The following EEFSEC variants were observed in gnomAD, a reference collection of about 807,000 sequenced individuals.
The protein encoded by EEFSEC is eukaryotic elongation factor, selenocysteine-tRNA specific.
A neutral mutation model predicts 42.1 loss-of-function variants in EEFSEC; 43 were observed. The ratio of observed to expected loss-of-function variants is 1.02; its 90% confidence interval spans 0.80 to 1.32. EEFSEC has a LOEUF of 1.32. Ranked by LOEUF, EEFSEC falls within the 40% of genes most tolerant of loss-of-function variation. The pLI is 0.00. For synonymous variants in EEFSEC, 354 were observed against 339.1 expected, an observed-to-expected ratio of 1.04 and a Z score of -0.48; for missense variants, 745 against 803.6, an observed-to-expected ratio of 0.93 and a Z score of 0.88.
chr3:128,352,203 AC>A (rs1360445024), intron 5 of EEFSEC, among the ~76,000 whole-genome samples: 1 of 152,050 alleles, frequency 6.6e-6, no homozygotes, highest in Non-Finnish European at 1.5e-5. Context: ...ACAGATCATG[AC>A]CCCTGGTCTT....
In EEFSEC at chr3:128,264,801, C is replaced by T; in HGVS notation, c.786+20C>T. On this transcript the variant is annotated intron_variant, in intron 4 of 6. Transcript: ENST00000254730. ...CTCAAGGTCAGTCTTACCTTGTCTTCCCTTCTGGCCTCCTCGCTGGCAGCA... is the reference window on the plus strand; with the variant it reads ...CTCAAGGTCAGTCTTACCTTGTCTTTCCTTCTGGCCTCCTCGCTGGCAGCA... The T allele has an allele frequency of 6.2e-7, 1 of 1,604,810 alleles. No individual in the cohort carries two copies. The highest frequency in any genetic ancestry group is 8.5e-7 in the Non-Finnish European group (1 of 1,173,170).
At chr3:128,400,101 C>T (rs911973908) in intron 6 of EEFSEC, among the ~76,000 whole-genome samples, 7 of 152,262 alleles carry the variant, frequency 4.6e-5, no homozygotes, top group Non-Finnish European at 7.3e-5. Flanking sequence ...CTCCCCACCC[C>T]TGGCCTTGGG....
intron 4 of EEFSEC, among the ~76,000 whole-genome samples, chr3:128,306,099 T>A (rs775872412): frequency 6.6e-6 from 1 of 152,238 alleles, no homozygotes; most frequent in Non-Finnish European, 1.5e-5. Flanking sequence ...TTTAAAGTTT[T>A]TATTGCACTG....
At chr3:128,203,011 A>ACCTCAG (rs2065658222) in intron 1 of EEFSEC, among the ~76,000 whole-genome samples, 3 of 152,070 alleles carry the variant, frequency 2.0e-5, no homozygotes, top group African/African-American at 7.2e-5. Context: ...TCTAAACATT[A>ACCTCAG]CCTCAGCCTC....
At chr3:128,206,847 C>CA (rs1275034116) in intron 1 of EEFSEC, among the ~76,000 whole-genome samples, 1 of 152,150 alleles carries the variant, frequency 6.6e-6, no homozygotes, top group Non-Finnish European at 1.5e-5. Flanking sequence ...GCCGACTTCT[C>CA]ACGGCTGGCC....
At chr3:128,382,374 G>A (rs936619629) in intron 6 of EEFSEC, among the ~76,000 whole-genome samples, 3 of 152,236 alleles carry the variant, frequency 2.0e-5, no homozygotes, top group Admixed American at 6.5e-5. Context: ...GGCTGTGTGC[G>A]CCCAGCGGAC....
At chr3:128,212,250 C>A (rs781519611) in intron 1 of EEFSEC, among the ~76,000 whole-genome samples, 1 of 152,164 alleles carries the variant, frequency 6.6e-6, no homozygotes, top group Non-Finnish European at 1.5e-5. Context: ...GCTGTGGGAG[C>A]CCCTGGGAGG....
rs1480828215 is a variant in EEFSEC at position 128,308,557 on chromosome 3, C to A, written c.787-32676C>A. ...ATTGAGTGAGAACCAGTAAGCCAGT[C>A]CCCCAAAACCTAAGCTTTACCCCTC... On this transcript the variant is annotated intron_variant, in intron 4 of 6. Transcript: ENST00000254730. Among the ~76,000 whole-genome samples, 16 of 152,194 alleles carry A rather than the reference C, an allele frequency of 1.1e-4. 1 individual carries two copies. Among genetic ancestry groups the A allele is most frequent in the Admixed American group, 1.0e-3 (16 of 15,288 alleles).
intron 5 of EEFSEC, among the ~76,000 whole-genome samples, chr3:128,342,125 C>A (rs192796203): frequency 5.8e-4 from 88 of 152,338 alleles, no homozygotes; most frequent in African/African-American, 2.0e-3. Context: ...CCCACTGTAC[C>A]CAATCCCACC....
At chr3:128,383,576 G>A (rs558330751) in intron 6 of EEFSEC, among the ~76,000 whole-genome samples, 3 of 152,182 alleles carry the variant, frequency 2.0e-5, no homozygotes, top group East Asian at 1.9e-4. Flanking sequence ...TGGTGGTCTG[G>A]GTATAGAGCC....
the EEFSEC span, among the ~76,000 whole-genome samples, chr3:128,419,366 T>G: frequency 9.5e-4 from 145 of 152,358 alleles, 1 homozygote; most frequent in African/African-American, 3.4e-3. Flanking sequence ...CTGAGTGTCC[T>G]GTGGATAAAT....
At chr3:128,346,850 T>G (rs1437902283) in intron 5 of EEFSEC, among the ~76,000 whole-genome samples, 1 of 152,238 alleles carries the variant, frequency 6.6e-6, no homozygotes, top group Non-Finnish European at 1.5e-5. Context: ...AATTTAAATT[T>G]TATATAGTTT....
intron 6 of EEFSEC, among the ~76,000 whole-genome samples, chr3:128,365,721 C>T (rs2107598948): frequency 6.6e-6 from 1 of 152,260 alleles, no homozygotes; most frequent in Middle Eastern, 3.4e-3. Context: ...TGCATTCATG[C>T]CAGGCTGCTT....
At chr3:128,240,518 T>G (rs951867873) in intron 1 of EEFSEC, among the ~76,000 whole-genome samples, 3 of 152,166 alleles carry the variant, frequency 2.0e-5, no homozygotes, top group South Asian at 2.1e-4. Context: ...CCCTTCCATT[T>G]CCAAATCCTC....
intron 4 of EEFSEC, among the ~76,000 whole-genome samples, chr3:128,293,131 C>T (rs1456785757): frequency 1.3e-5 from 2 of 152,136 alleles, no homozygotes; most frequent in African/African-American, 4.8e-5. Context: ...CCACTGTGGT[C>T]AGAGAATACA....
chr3:128,421,010 A>G, the EEFSEC span, among the ~76,000 whole-genome samples: 1 of 152,144 alleles, frequency 6.6e-6, no homozygotes, highest in Admixed American at 6.5e-5. Context: ...TGGGAGCATC[A>G]TAGGGCTGGC....
intron 4 of EEFSEC, among the ~76,000 whole-genome samples, chr3:128,277,177 G>T (rs751351245): frequency 2.0e-5 from 3 of 152,206 alleles, no homozygotes; most frequent in Non-Finnish European, 2.9e-5. Context: ...TGTTTTAAAG[G>T]AAAGTTGAGT....
At chr3:128,306,087 C>T (rs542319421) in intron 4 of EEFSEC, among the ~76,000 whole-genome samples, 2 of 152,186 alleles carry the variant, frequency 1.3e-5, no homozygotes, top group African/African-American at 4.8e-5. Context: ...TTTTGTCATG[C>T]ATTTAAAGTT....
At chr3:128,172,054 C>T (rs1050162045) in intron 1 of EEFSEC, among the ~76,000 whole-genome samples, 3 of 152,100 alleles carry the variant, frequency 2.0e-5, no homozygotes, top group African/African-American at 7.2e-5. Context: ...GATTTTGGTC[C>T]TTCAGGGGTC....
Sources: gnomAD v4.1 joint callset for allele counts (sites outside exome capture counted in the v4.1 genomes callset) on GRCh38, gnomAD v4.1.1 for gene constraint, MANE v1.5 for transcripts, NCBI Gene and HGNC (gene_info 2026-07-23, HGNC 2026-07-21) for gene names.